Variants in LNX1 observed in about 807,000 individuals in gnomAD.
LNX1 encodes ligand of numb-protein X 1.
In LNX1, 54 loss-of-function variants were observed where a neutral mutation model predicts 68.4. That is an observed-to-expected ratio of 0.79 (90% confidence interval 0.63 to 0.99). The LOEUF (loss-of-function observed/expected upper bound fraction) is 0.99, where lower values mean the gene tolerates loss of function less well. LNX1 is among the 50% of genes least tolerant of loss of function. The pLI is 0.00. For synonymous variants in LNX1, 336 were observed against 350.0 expected (o/e 0.96, Z 0.45); for missense variants, 906 against 926.4 (o/e 0.98, Z 0.29).
At chr4:53,474,477 C>T (rs1723434262) in intron 9 of LNX1, among the ~76,000 whole-genome samples, 1 of 152,146 alleles carries the variant, frequency 6.6e-6, no homozygotes, top group South Asian at 2.1e-4. Context: ...AACTATCAGG[C>T]CCTTTTTAGA....
chr4:53,548,091 C>T (rs1044252910), intron 2 of LNX1, among the ~76,000 whole-genome samples: 3 of 150,442 alleles, frequency 2.0e-5, no homozygotes, highest in Non-Finnish European at 4.4e-5. Context: ...GGGCGTGGGG[C>T]CACATGAGCA....
intron 2 of LNX1, among the ~76,000 whole-genome samples, chr4:53,542,835 T>G (rs1389487089): frequency 6.6e-5 from 10 of 152,088 alleles, no homozygotes; most frequent in African/African-American, 2.4e-4. Flanking sequence ...TTTAACCCGG[T>G]AAGAACCCCC....
At chr4:53,552,169 C>A (rs1288908923) in intron 2 of LNX1, among the ~76,000 whole-genome samples, 1 of 152,158 alleles carries the variant, frequency 6.6e-6, no homozygotes, top group Non-Finnish European at 1.5e-5. Flanking sequence ...CAGCTAGTGG[C>A]ACCAGTTTCC....
intron 2 of LNX1, among the ~76,000 whole-genome samples, chr4:53,610,101 C>T (rs931971278): frequency 3.9e-5 from 6 of 151,940 alleles, no homozygotes; most frequent in South Asian, 4.1e-4. Context: ...CCTCCATATT[C>T]CTGATCTAAA....
intron 2 of LNX1, among the ~76,000 whole-genome samples, chr4:53,557,320 G>T (rs1026846515): frequency 6.6e-6 from 1 of 152,172 alleles, no homozygotes; most frequent in Non-Finnish European, 1.5e-5. Flanking sequence ...ATTAAATCAA[G>T]GCAATGGAAA....
In LNX1 at chr4:53,498,809, A is replaced by G; in HGVS notation, c.810T>C (p.Gly270=). Residue 270 remains glycine, a synonymous_variant, in exon 5 of 11, where the codon GGT becomes GGC. Coordinates refer to ENST00000263925, the MANE Select transcript of LNX1 (RefSeq NM_001126328.3). ...FPRLYHLIPD[G]EITSIKINRV... Reference sequence around the variant, plus strand: ...GATTGATCTTGATGCTGGTAATTTCACCATCTGGAATCAGGTGGTACAACC... The same window carrying G: ...GATTGATCTTGATGCTGGTAATTTCGCCATCTGGAATCAGGTGGTACAACC... The G allele has an allele frequency of 6.2e-7, 1 of 1,613,906 alleles. No homozygotes were observed. The highest frequency in any genetic ancestry group is 8.5e-7 in the Non-Finnish European group (1 of 1,179,936).
chr4:53,560,847 T>C (rs1246299636), intron 2 of LNX1, among the ~76,000 whole-genome samples: 1 of 152,226 alleles, frequency 6.6e-6, no homozygotes, highest in Non-Finnish European at 1.5e-5. Context: ...AACACAATTT[T>C]CCATTACCTG....
At chr4:53,587,411 G>A (rs1390122224) in intron 1 of LNX1, among the ~76,000 whole-genome samples, 1 of 152,164 alleles carries the variant, frequency 6.6e-6, no homozygotes, top group African/African-American at 2.4e-5. Flanking sequence ...CTTCCAAACA[G>A]TTTTGAAAAG....
At position 53,496,106 on chromosome 4, in the gene LNX1, G is replaced by A. The variant is rs370847216; in HGVS notation, c.1267C>T (p.Leu423Phe). The change falls in exon 6 of 11, where the codon CTT becomes TTT. Residue 423 changes from leucine (L) to phenylalanine (F), a missense_variant. Transcript: ENST00000263925. Reference sequence around the variant, plus strand: ...GCTAACACACGGTCATTCTCCTCAAGCTGACCATGTCGATATGCCACACCG... The same window carrying A: ...GCTAACACACGGTCATTCTCCTCAAACTGACCATGTCGATATGCCACACCG... ...DGGVAYRHGQ[L>F]EENDRVLAIN... 2 of 1,614,014 alleles carry A rather than the reference G, an allele frequency of 1.2e-6. No homozygotes were observed. Among genetic ancestry groups the A allele is most frequent in the African/African-American group, 2.7e-5 (2 of 74,918 alleles).
chr4:53,501,656 G>A (rs1187571002), intron 4 of LNX1, among the ~76,000 whole-genome samples: 1 of 152,160 alleles, frequency 6.6e-6, no homozygotes, highest in Non-Finnish European at 1.5e-5. Context: ...TCACACAGTT[G>A]ATAAACAGTG....
rs187541195 is a variant in LNX1 at position 53,573,537 on chromosome 4, G to A, written c.380+86C>T. 2.3e-5 allele frequency: 19 copies of A among 811,724 alleles called. No individual in the cohort carries two copies. In the East Asian group the frequency reaches 4.8e-4, roughly 20 times the overall value. 50.3% of individuals were successfully genotyped at this position (811,724 alleles called of 1,614,324 possible). A position where few individuals can be genotyped will look rare whatever the true frequency, so the allele number is the denominator to read the frequency against. On this transcript the variant is annotated intron_variant, in intron 2 of 10. Transcript: ENST00000263925. ...TTTTGAATGGATCATTTCATTGGTT[G>A]GAAGCCCTCAGGAGACTGGGGGGTG... is the stretch of plus-strand genomic sequence containing the variant.
intron 1 of LNX1, among the ~76,000 whole-genome samples, chr4:53,574,723 C>CT (rs1396704869): frequency 6.6e-6 from 1 of 152,206 alleles, no homozygotes; most frequent in Admixed American, 6.5e-5. Context: ...ATTTCAGACT[C>CT]TGTTTTCACA....
chr4:53,593,860 CAT>C (rs1178268483), upstream of LNX1: 2 of 152,128 alleles, frequency 1.3e-5, no homozygotes, highest in African/African-American at 2.4e-5. Context: ...AAAACCAAGA[CAT>C]AGTGAATCTG....
intron 1 of LNX1, among the ~76,000 whole-genome samples, chr4:53,642,302 G>T (rs2109886573): frequency 1.3e-5 from 2 of 148,442 alleles, no homozygotes; most frequent in Middle Eastern, 3.6e-3. Flanking sequence ...TATTAAAAAT[G>T]AAAGAAGGAA....
chr4:53,625,676 A>C (rs1734044178), intron 1 of LNX1, among the ~76,000 whole-genome samples: 1 of 152,142 alleles, frequency 6.6e-6, no homozygotes, highest in African/African-American at 2.4e-5. Context: ...GTGTGATGGC[A>C]TGCACTTGTG....
chr4:53,599,176 A>C (rs1732885784), intron 2 of LNX1, among the ~76,000 whole-genome samples: 3 of 152,212 alleles, frequency 2.0e-5, no homozygotes, highest in African/African-American at 7.2e-5. Context: ...ATTGGGCTGC[A>C]TTCCCAGACA....
intron 10 of LNX1, among the ~76,000 whole-genome samples, 180 bp from the exon 11 acceptor site, chr4:53,461,222 G>GTGTT (rs893123225): frequency 6.6e-6 from 1 of 152,050 alleles, no homozygotes; most frequent in African/African-American, 2.4e-5. Context: ...CATTCAGCTT[G>GTGTT]TGTTAGAAGG....
chr4:53,459,563 A>G lies in LNX1; in HGVS notation c.*1344T>C. ...CTTAAATCTTGTTCTGTTTGTTAGT[A>G]TGAAAAGTTAACTTTTTTTCCAAAA... On this transcript the variant is annotated 3_prime_UTR_variant, in exon 11 of 11. Transcript: ENST00000263925. 2.1e-6 allele frequency: 3 copies of G among 1,456,356 alleles called. No homozygotes were observed. The highest frequency in any genetic ancestry group is 4.6e-5 in the East Asian group (2 of 43,694). The allele number at this position is 1,456,356 out of a possible 1,614,324, so 90.2% of individuals were successfully genotyped here.
intron 1 of LNX1, among the ~76,000 whole-genome samples, chr4:53,639,594 A>G (rs772142004): frequency 2.6e-5 from 4 of 152,184 alleles, no homozygotes; most frequent in Non-Finnish European, 5.9e-5. Context: ...GCTCACAGGA[A>G]CCCAACTTCA....
Sources: gnomAD v4.1 joint callset for allele counts (sites outside exome capture counted in the v4.1 genomes callset) on GRCh38, gnomAD v4.1.1 for gene constraint, MANE v1.5 for transcripts, NCBI Gene and HGNC (gene_info 2026-07-23, HGNC 2026-07-21) for gene names.